Variants in DACH1 observed in about 807,000 individuals in gnomAD.
DACH1 encodes the protein dachshund homolog 1.
Under a neutral mutation model 54.2 loss-of-function variants are expected in DACH1, and 12 were observed. That is an observed-to-expected ratio of 0.22 (90% CI 0.14 to 0.36). The LOEUF (loss-of-function observed/expected upper bound fraction) is 0.36, where lower values mean the gene tolerates loss of function less well. DACH1 is among the 10% of genes least tolerant of loss of function. The pLI, the probability that DACH1 is intolerant of heterozygous loss-of-function variation, is 1.00. For synonymous variants in DACH1, 386 were observed against 366.2 expected (o/e 1.05, Z -0.62); for missense variants, 805 against 929.8 (o/e 0.87, Z 1.75).
chr13:71,450,284 G>C (rs1036942588), intron 10 of DACH1, among the ~76,000 whole-genome samples: 2 of 151,566 alleles, frequency 1.3e-5, no homozygotes, highest in Non-Finnish European at 2.9e-5. Context: ...TCACATTTTG[G>C]TAATTCTCCC....
At chr13:71,709,212 T>A (rs947058107) in intron 1 of DACH1, among the ~76,000 whole-genome samples, 3 of 152,136 alleles carry the variant, frequency 2.0e-5, no homozygotes, top group Non-Finnish European at 2.9e-5. Context: ...TGTACTTTTT[T>A]AAAATATCAA....
At chr13:71,692,142 A>G (rs1364356719) in intron 1 of DACH1, among the ~76,000 whole-genome samples, 2 of 152,178 alleles carry the variant, frequency 1.3e-5, no homozygotes, top group Non-Finnish European at 2.9e-5. Context: ...TTTATTAAAG[A>G]AAACACTTCA....
At chr13:71,857,664 A>T (rs1027477449) in intron 1 of DACH1, among the ~76,000 whole-genome samples, 2 of 151,790 alleles carry the variant, frequency 1.3e-5, no homozygotes, top group African/African-American at 4.8e-5. Flanking sequence ...ATCCTCATAT[A>T]AAATGTGTGA....
At chr13:71,854,705 C>G (rs1873887490) in intron 1 of DACH1, among the ~76,000 whole-genome samples, 1 of 152,048 alleles carries the variant, frequency 6.6e-6, no homozygotes, top group African/African-American at 2.4e-5. Context: ...TATGATCTAC[C>G]TACTTTCCTT....
At chr13:71,486,797 AATTTATTTATTT>A (rs869141697) in intron 7 of DACH1, among the ~76,000 whole-genome samples, 3 of 25,896 alleles carry the variant, frequency 1.2e-4, no homozygotes, top group African/African-American at 1.5e-4. Context: ...TAAATTAATT[AATTTATTTATTT>A]ATTTATCTAT....
intron 10 of DACH1, among the ~76,000 whole-genome samples, chr13:71,454,688 C>G (rs1875393436): frequency 6.6e-6 from 1 of 152,162 alleles, no homozygotes; most frequent in South Asian, 2.1e-4. Context: ...GGACAGGAGG[C>G]ATGGCAACAG....
chr13:71,609,318 A>G (rs953722687), intron 3 of DACH1, among the ~76,000 whole-genome samples: 1 of 152,144 alleles, frequency 6.6e-6, no homozygotes, highest in African/African-American at 2.4e-5. Context: ...ATTTTAGTTC[A>G]TACATATAAA....
intron 10 of DACH1, among the ~76,000 whole-genome samples, chr13:71,464,365 T>G (rs1423462564): frequency 6.6e-6 from 1 of 152,018 alleles, no homozygotes; most frequent in Non-Finnish European, 1.5e-5. Context: ...AAAATGATAC[T>G]GAATGCAAAA....
chr13:71,641,022 T>C (rs888888931), intron 2 of DACH1, among the ~76,000 whole-genome samples: 17 of 151,820 alleles, frequency 1.1e-4, no homozygotes, highest in African/African-American at 4.1e-4. Flanking sequence ...CCACATGGGG[T>C]CTGTGCATGT....
chr13:71,517,791 C>T lies in DACH1; in HGVS notation c.1571-28643G>A, dbSNP rs182406088. 9.9e-5 allele frequency among the ~76,000 whole-genome samples: 15 copies of T among 151,972 alleles called. No individual in the cohort carries two copies. In the East Asian group the frequency reaches 2.5e-3, roughly 26 times the overall value. The stretch of plus-strand genomic sequence containing the variant: ...AAGCATTTGCTAGTCTAACCTTTCT[C>T]AGGTCAAAAATCAATCTCTATCAAG... On this transcript the variant is annotated intron_variant, in intron 6 of 10. Coordinates refer to ENST00000613252, the MANE Select transcript of DACH1 (RefSeq NM_080759.6).
At chr13:71,645,362 T>A (rs1225131828) in intron 2 of DACH1, among the ~76,000 whole-genome samples, 1 of 152,184 alleles carries the variant, frequency 6.6e-6, no homozygotes, top group East Asian at 1.9e-4. Context: ...GAATGACAAG[T>A]TGCATGTATG....
intron 3 of DACH1, among the ~76,000 whole-genome samples, chr13:71,616,417 T>C (rs539809203): frequency 2.0e-5 from 3 of 152,322 alleles, no homozygotes; most frequent in South Asian, 2.1e-4. Context: ...AATTTCATTA[T>C]GTGCAGGAGT....
At chr13:71,727,271 C>T (rs542829186) in intron 1 of DACH1, among the ~76,000 whole-genome samples, 7 of 152,108 alleles carry the variant, frequency 4.6e-5, no homozygotes, top group Admixed American at 2.0e-4. Context: ...AGCACATTTC[C>T]CTTGGAGCTG....
Position 71,681,778 on chromosome 13 carries a change from G to A in DACH1, c.964+17C>T. The A allele has an allele frequency of 1.3e-6, 2 of 1,588,516 alleles. No individual in the cohort carries two copies. Among genetic ancestry groups the A allele is most frequent in the Non-Finnish European group, 1.7e-6 (2 of 1,159,520 alleles). On this transcript the variant is annotated intron_variant, in intron 2 of 10. Coordinates refer to ENST00000613252, the MANE Select transcript of DACH1 (RefSeq NM_080759.6). ...TGATTTTTAATATTTTTTGGCATAA[G>A]TGAGTAGCAGTCTTACCTGTTGGTG... is the stretch of plus-strand genomic sequence containing the variant.
chr13:71,542,132 C>T (rs1883171755), intron 6 of DACH1, among the ~76,000 whole-genome samples: 1 of 151,748 alleles, frequency 6.6e-6, no homozygotes, highest in Admixed American at 6.6e-5. Context: ...CACCTGTAAT[C>T]CCAGCTACTT....
At chr13:71,467,494 A>G (rs1876693328) in intron 10 of DACH1, among the ~76,000 whole-genome samples, 2 of 151,064 alleles carry the variant, frequency 1.3e-5, no homozygotes, top group Admixed American at 1.3e-4. Context: ...AATTTAAAGT[A>G]TAATAATAAT....
chr13:71,481,834 T>C (rs1355426657), intron 7 of DACH1, among the ~76,000 whole-genome samples: 2 of 152,238 alleles, frequency 1.3e-5, no homozygotes, highest in East Asian at 3.8e-4. Flanking sequence ...GACACCATTG[T>C]AGCCATCAAT....
chr13:71,506,383 G>A (rs1266904401), intron 6 of DACH1, among the ~76,000 whole-genome samples: 8 of 147,158 alleles, frequency 5.4e-5, no homozygotes, highest in Non-Finnish European at 3.0e-5. Context: ...GAGAATATGC[G>A]GTGTTTGGTT....
At chr13:71,468,133 T>C (rs978134751) in intron 10 of DACH1, among the ~76,000 whole-genome samples, 11 of 152,154 alleles carry the variant, frequency 7.2e-5, no homozygotes, top group Non-Finnish European at 1.3e-4. Flanking sequence ...AATTCAACAT[T>C]GTATTATAAA....
Sources: gnomAD v4.1 joint callset for allele counts (sites outside exome capture counted in the v4.1 genomes callset) on GRCh38, gnomAD v4.1.1 for gene constraint, MANE v1.5 for transcripts, NCBI Gene and HGNC (gene_info 2026-07-23, HGNC 2026-07-21) for gene names.